The following CCSER1 variants were observed in gnomAD, a reference collection of about 807,000 sequenced individuals.
CCSER1 encodes the protein serine-rich coiled-coil domain-containing protein 1.
Under a neutral mutation model 82.0 loss-of-function variants are expected in CCSER1, and 41 were observed. The observed-to-expected ratio is 0.50, with a 90% confidence interval of 0.39 to 0.65. The LOEUF is 0.65. Ranked by LOEUF, CCSER1 falls within the 30% of genes least tolerant of loss-of-function variation. The pLI is 0.00. For synonymous variants in CCSER1, 414 were observed against 383.9 expected (o/e 1.08, Z -0.92); for missense variants, 1,119 against 1,064.2 (o/e 1.05, Z -0.72).
chr4:91,601,247 G>A lies in CCSER1; in HGVS notation c.*2190G>A, dbSNP rs955791096. Reference sequence around the variant, plus strand: ...ATCTGTCATTTAATAGACATTTTAAGAGATGTTTTAAACGCTAGTATTTTC... The same window carrying A: ...ATCTGTCATTTAATAGACATTTTAAAAGATGTTTTAAACGCTAGTATTTTC... On this transcript the variant is annotated 3_prime_UTR_variant, in exon 11 of 11. Transcript: ENST00000509176. 5.3e-5 allele frequency: 8 copies of A among 151,964 alleles called. No homozygotes were observed. Among genetic ancestry groups the A allele is most frequent in the Non-Finnish European group, 8.8e-5 (6 of 67,926 alleles). 9.4% of individuals were successfully genotyped at this position (151,964 alleles called of 1,614,324 possible). A position where few individuals can be genotyped will look rare whatever the true frequency, so the allele number is the denominator to read the frequency against.
At chr4:91,389,090 T>A (rs2149347468) in intron 10 of CCSER1, among the ~76,000 whole-genome samples, 1 of 152,202 alleles carries the variant, frequency 6.6e-6, no homozygotes, top group Non-Finnish European at 1.5e-5. Context: ...TGAATTTTAA[T>A]GAAGTCTGAT....
chr4:91,278,408 A>G (rs995280025), intron 10 of CCSER1, among the ~76,000 whole-genome samples: 3 of 152,126 alleles, frequency 2.0e-5, no homozygotes, highest in African/African-American at 7.2e-5. Flanking sequence ...CTCTCACTGA[A>G]TTGATCCTTT....
chr4:91,115,597 T>C (rs530908158), intron 10 of CCSER1, among the ~76,000 whole-genome samples: 15 of 152,158 alleles, frequency 9.9e-5, no homozygotes, highest in Admixed American at 4.6e-4. Flanking sequence ...TTTTTTATAC[T>C]GATAAAGACT....
intron 4 of CCSER1, among the ~76,000 whole-genome samples, chr4:90,414,980 CA>C (rs1755581072): frequency 6.6e-6 from 1 of 151,182 alleles, no homozygotes; most frequent in African/African-American, 2.4e-5. Flanking sequence ...TTAAGGAAAA[CA>C]AAGTAACCAG....
intron 3 of CCSER1, among the ~76,000 whole-genome samples, chr4:90,356,485 A>C (rs893212828): frequency 6.6e-6 from 1 of 151,678 alleles, no homozygotes; most frequent in South Asian, 2.1e-4. Context: ...AGTGTTTGGG[A>C]ATGAGACTAT....
chr4:90,157,453 A>G (rs1222660156), intron 1 of CCSER1, among the ~76,000 whole-genome samples: 3 of 152,122 alleles, frequency 2.0e-5, no homozygotes, highest in South Asian at 2.1e-4. Flanking sequence ...CTCCTGGATA[A>G]TATCCTGAAG....
At chr4:90,396,040 C>A (rs1280089191) in intron 3 of CCSER1, among the ~76,000 whole-genome samples, 2 of 152,074 alleles carry the variant, frequency 1.3e-5, no homozygotes, top group Non-Finnish European at 2.9e-5. Flanking sequence ...AAGATCGCAC[C>A]CCTGCACTCC....
At chr4:90,328,504 C>T (rs1435543436) in intron 3 of CCSER1, among the ~76,000 whole-genome samples, 4 of 152,164 alleles carry the variant, frequency 2.6e-5, no homozygotes, top group African/African-American at 9.7e-5. Flanking sequence ...CTATTAGAAT[C>T]AGAAATGTAA....
intron 8 of CCSER1, among the ~76,000 whole-genome samples, chr4:90,840,994 C>A (rs1273517164): frequency 6.6e-6 from 1 of 152,124 alleles, no homozygotes; most frequent in Non-Finnish European, 1.5e-5. Context: ...AGCTCTAAAA[C>A]ACCATGCCCT....
chr4:91,604,892 G>A lies in CCSER1; in HGVS notation c.*5835G>A, dbSNP rs1764909187. 2 of 151,782 alleles carry A rather than the reference G, an allele frequency of 1.3e-5. No homozygotes were observed. Among genetic ancestry groups the A allele is most frequent in the African/African-American group, 4.8e-5 (2 of 41,394 alleles). The allele number at this position is 151,782 out of a possible 1,614,324, so 9.4% of individuals were successfully genotyped here. ...TAATGTCTGAATAAGACGTAATCCTGTCATGAGTTCTCTCTTCCAAAAAAG... is the reference window on the plus strand; with the variant it reads ...TAATGTCTGAATAAGACGTAATCCTATCATGAGTTCTCTCTTCCAAAAAAG... On this transcript the variant is annotated 3_prime_UTR_variant, in exon 11 of 11. Coordinates refer to ENST00000509176, the MANE Select transcript of CCSER1 (RefSeq NM_001145065.2).
chr4:90,914,097 T>C (rs1042151145), intron 8 of CCSER1, among the ~76,000 whole-genome samples: 3 of 152,116 alleles, frequency 2.0e-5, no homozygotes, highest in African/African-American at 7.2e-5. Context: ...AGACAGAAAG[T>C]TAACAAGTAT....
intron 10 of CCSER1, among the ~76,000 whole-genome samples, chr4:91,425,343 C>T (rs1237611193): frequency 6.6e-6 from 1 of 152,084 alleles, no homozygotes; most frequent in Non-Finnish European, 1.5e-5. Flanking sequence ...TCATTCCCAT[C>T]AGAATGTCAT....
rs370587415 is a variant in CCSER1, at chr4:91,328,723, C to T, written c.2217+242729C>T. On this transcript the variant is annotated intron_variant, in intron 10 of 10. Transcript: ENST00000509176. The stretch of plus-strand genomic sequence containing the variant: ...CACTTTTGGCACCTGGGAATGTAGA[C>T]ACAATGCATATTTATTTTATTTTGT... Among the ~76,000 whole-genome samples, 72 of 152,272 alleles carry T rather than the reference C, an allele frequency of 4.7e-4. 1 individual carries two copies. In the East Asian group the frequency reaches 7.1e-3, roughly 15 times the overall value.
chr4:91,434,333 C>A (rs895762549), intron 10 of CCSER1, among the ~76,000 whole-genome samples: 1 of 151,926 alleles, frequency 6.6e-6, no homozygotes, highest in Non-Finnish European at 1.5e-5. Flanking sequence ...GGCGTAGCAA[C>A]TCAATAGGCA....
intron 9 of CCSER1, among the ~76,000 whole-genome samples, chr4:90,979,919 T>C (rs1735954049): frequency 6.6e-6 from 1 of 151,768 alleles, no homozygotes; most frequent in South Asian, 2.1e-4. Flanking sequence ...GCTGAGGATA[T>C]AATTTTAAGC....
chr4:90,994,542 T>C (rs1181902367), intron 9 of CCSER1, among the ~76,000 whole-genome samples: 1 of 152,080 alleles, frequency 6.6e-6, no homozygotes, highest in Non-Finnish European at 1.5e-5. Flanking sequence ...AGACCATCTG[T>C]ATACATTATT....
chr4:90,389,372 C>T (rs540821918), intron 3 of CCSER1, among the ~76,000 whole-genome samples: 7 of 152,246 alleles, frequency 4.6e-5, no homozygotes, highest in Non-Finnish European at 1.0e-4. Flanking sequence ...TTTAAACATT[C>T]CTCTGTATTA....
Position 91,149,655 on chromosome 4 carries a change from A to G in CCSER1, c.2217+63661A>G, listed in dbSNP as rs543720925. 7.9e-5 allele frequency among the ~76,000 whole-genome samples: 12 copies of G among 152,292 alleles called. No individual in the cohort carries two copies. In the South Asian group the frequency reaches 2.1e-3, roughly 26 times the overall value. Reference sequence around the variant, plus strand: ...TAATTCATCTTGAATTAATTTTTGTATAAGGTGTAAGGAAGGGATCCAGTT... The same window carrying G: ...TAATTCATCTTGAATTAATTTTTGTGTAAGGTGTAAGGAAGGGATCCAGTT... On this transcript the variant is annotated intron_variant, in intron 10 of 10. Transcript: ENST00000509176.
At chr4:90,846,165 G>T (rs1763215123) in intron 8 of CCSER1, among the ~76,000 whole-genome samples, 1 of 152,116 alleles carries the variant, frequency 6.6e-6, no homozygotes, top group Non-Finnish European at 1.5e-5. Flanking sequence ...ATAAATGGCA[G>T]ATTTCTCCAT....
Sources: allele counts gnomAD v4.1 joint callset (sites outside exome capture counted in the v4.1 genomes callset), GRCh38; gene constraint gnomAD v4.1.1; transcripts MANE v1.5; gene names NCBI Gene and HGNC (gene_info 2026-07-23, HGNC 2026-07-21).